Variants in CCDC148 observed in about 807,000 individuals in gnomAD.
CCDC148 encodes the protein coiled-coil domain-containing protein 148.
Under a neutral mutation model 85.7 loss-of-function variants are expected in CCDC148, and 89 were observed. The observed-to-expected ratio is 1.04, with a 90% CI of 0.87 to 1.24. The LOEUF (loss-of-function observed/expected upper bound fraction) is 1.24, where lower values mean the gene tolerates loss of function less well. CCDC148 is among the 50% of genes most tolerant of loss of function. The probability of loss-of-function intolerance (pLI) is 0.00; values close to 1 mark genes in which losing one functional copy is unlikely to be tolerated. For synonymous variants in CCDC148, 230 were observed against 213.9 expected (o/e 1.08, Z -0.66); for missense variants, 692 against 671.7 (o/e 1.03, Z -0.33).
intron 1 of CCDC148, among the ~76,000 whole-genome samples, chr2:158,397,313 A>C (rs1685566152): frequency 6.6e-6 from 1 of 152,146 alleles, no homozygotes; most frequent in African/African-American, 2.4e-5. Flanking sequence ...AGTAACCCCA[A>C]GACACCTAAT....
chr2:158,341,290 T>A (rs563663501), intron 3 of CCDC148, among the ~76,000 whole-genome samples: 25 of 145,090 alleles, frequency 1.7e-4, no homozygotes, highest in African/African-American at 6.6e-4. Flanking sequence ...TATATATGTA[T>A]ACATATGTGT....
At chr2:158,215,994 T>C (rs927312525) in intron 11 of CCDC148, among the ~76,000 whole-genome samples, 12 of 152,314 alleles carry the variant, frequency 7.9e-5, no homozygotes, top group Non-Finnish European at 1.5e-4. Context: ...GCTTCTAGCC[T>C]CCAGAATAGT....
At chr2:158,327,755 C>T (rs952583723) in intron 7 of CCDC148, among the ~76,000 whole-genome samples, 7 of 152,142 alleles carry the variant, frequency 4.6e-5, no homozygotes, top group Non-Finnish European at 8.8e-5. Context: ...GAAAATATCT[C>T]TATAATTATT....
chr2:158,375,222 T>C (rs1684605019), intron 1 of CCDC148, among the ~76,000 whole-genome samples: 1 of 152,038 alleles, frequency 6.6e-6, no homozygotes, highest in South Asian at 2.1e-4. Flanking sequence ...CAGAGCCCCT[T>C]GACCCTACCA....
chr2:158,278,525 T>C (rs1690080456), intron 9 of CCDC148, among the ~76,000 whole-genome samples: 1 of 152,168 alleles, frequency 6.6e-6, no homozygotes, highest in East Asian at 1.9e-4. Flanking sequence ...CACGGATTGC[T>C]AGCACAGCAG....
intron 1 of CCDC148, among the ~76,000 whole-genome samples, chr2:158,431,538 T>G (rs1687352810): frequency 6.6e-6 from 1 of 150,668 alleles, no homozygotes; most frequent in Non-Finnish European, 1.5e-5. Flanking sequence ...CTGTGAAATA[T>G]CTTTGAAGAA....
intron 9 of CCDC148, among the ~76,000 whole-genome samples, chr2:158,304,171 T>C (rs1691575749): frequency 6.6e-6 from 1 of 152,080 alleles, no homozygotes; most frequent in Admixed American, 6.5e-5. Context: ...CACTTCCCTC[T>C]TCATGCAGAA....
At chr2:158,273,567 G>C (rs564933702) in intron 9 of CCDC148, among the ~76,000 whole-genome samples, 20 of 152,222 alleles carry the variant, frequency 1.3e-4, no homozygotes, top group Non-Finnish European at 2.4e-4. Flanking sequence ...ATCTGCAGCT[G>C]CTCTTACAGA....
chr2:158,219,344 G>GTAA (rs1223163046), intron 11 of CCDC148, among the ~76,000 whole-genome samples: 1 of 152,198 alleles, frequency 6.6e-6, no homozygotes, highest in Non-Finnish European at 1.5e-5. Context: ...AGTTATCAAT[G>GTAA]TAATGTCTCA....
intron 13 of CCDC148, among the ~76,000 whole-genome samples, chr2:158,174,536 A>G (rs1684479588): frequency 6.6e-6 from 1 of 151,730 alleles, no homozygotes; most frequent in South Asian, 2.1e-4. Context: ...AATGACAGGG[A>G]TACATTCTGA....
At chr2:158,230,672 A>G (rs923138196) in intron 10 of CCDC148, among the ~76,000 whole-genome samples, 1 of 151,842 alleles carries the variant, frequency 6.6e-6, no homozygotes, top group Non-Finnish European at 1.5e-5. Flanking sequence ...TTACATTTTA[A>G]AAAGAGAGCT....
chr2:158,178,412 G>C (rs1280586756), intron 12 of CCDC148, among the ~76,000 whole-genome samples: 1 of 152,080 alleles, frequency 6.6e-6, no homozygotes, highest in East Asian at 1.9e-4. Context: ...AAAGTGATAG[G>C]AGGCTTTTAT....
rs551167623 is a variant in CCDC148 at position 158,207,243 on chromosome 2, A to G, written c.1370+13352T>C. On this transcript the variant is annotated intron_variant, in intron 11 of 13. Transcript: ENST00000283233. ...GCATCACCCGGATACTGCTGTCCTT[A>G]TAAGACGACAGATAGCCAATTGAAG... is the stretch of plus-strand genomic sequence containing the variant. Among the ~76,000 whole-genome samples, 10 of 152,328 alleles carry G rather than the reference A, an allele frequency of 6.6e-5. No homozygotes were observed. In the South Asian group the frequency reaches 1.4e-3, roughly 22 times the overall value.
chr2:158,444,785 G>GGA (rs369541844), intron 1 of CCDC148, among the ~76,000 whole-genome samples: 2 of 66,662 alleles, frequency 3.0e-5, no homozygotes, highest in African/African-American at 6.9e-5. Context: ...ACCCTGTCTT[G>GGA]AAAAAAAAAA....
At chr2:158,240,122 G>A (rs1198728433) in intron 10 of CCDC148, among the ~76,000 whole-genome samples, 1 of 151,902 alleles carries the variant, frequency 6.6e-6, no homozygotes, top group East Asian at 1.9e-4. Context: ...GAGGATGCTT[G>A]CTGTGAGAGA....
chr2:158,421,859 A>G (rs13403015), intron 1 of CCDC148, among the ~76,000 whole-genome samples: 5,568 of 152,294 alleles, frequency 0.037, 148 homozygotes, highest in Non-Finnish European at 0.056. Context: ...AATAAAGAAG[A>G]AAAGAGAGAA....
rs550320239 is a variant in CCDC148 at position 158,201,066 on chromosome 2, C to T, written c.1370+19529G>A. ...ATATCTAGAAATCAGTACCTAGATA[C>T]TAGGTAGGCTCATTGCCACTGGAGT... On this transcript the variant is annotated intron_variant, in intron 11 of 13. Transcript: ENST00000283233. Among the ~76,000 whole-genome samples, 11 of 150,630 alleles carry T rather than the reference C, an allele frequency of 7.3e-5. No individual in the cohort carries two copies. In the East Asian group the frequency reaches 2.0e-3, roughly 28 times the overall value.
intron 1 of CCDC148, among the ~76,000 whole-genome samples, chr2:158,433,924 G>A (rs1477582676): frequency 6.6e-5 from 10 of 152,348 alleles, no homozygotes; most frequent in African/African-American, 2.2e-4. Context: ...GAGGCTGGGG[G>A]AGGGGCGTCC....
intron 10 of CCDC148, among the ~76,000 whole-genome samples, chr2:158,241,965 T>G (rs1333015674): frequency 6.6e-6 from 1 of 152,214 alleles, no homozygotes; most frequent in East Asian, 1.9e-4. Context: ...CAGTACATTT[T>G]GTTGATGATT....
Sources: allele counts gnomAD v4.1 joint callset (sites outside exome capture counted in the v4.1 genomes callset), GRCh38; gene constraint gnomAD v4.1.1; transcripts MANE v1.5; gene names NCBI Gene and HGNC (gene_info 2026-07-23, HGNC 2026-07-21).